Variants in ZNF384 observed in about 807,000 individuals in gnomAD.
The protein encoded by ZNF384 is CAG repeat protein 1.
Under a neutral mutation model 65.0 loss-of-function variants are expected in ZNF384, and 20 were observed. That is an observed-to-expected ratio of 0.31 (90% CI 0.22 to 0.45). ZNF384 has a LOEUF of 0.45. ZNF384 is among the 20% of genes least tolerant of loss of function. The pLI is 1.00. For synonymous variants in ZNF384, 310 were observed against 303.9 expected, an observed-to-expected ratio of 1.02 and a Z score of -0.21; for missense variants, 549 against 769.4, an observed-to-expected ratio of 0.71 and a Z score of 3.39.
chr12:6,667,826 G>A lies in ZNF384; in HGVS notation c.1715C>T (p.Pro572Leu). 1.2e-6 allele frequency: 2 copies of A among 1,614,216 alleles called. No homozygotes were observed. Among genetic ancestry groups the A allele is most frequent in the Non-Finnish European group, 1.7e-6 (2 of 1,180,034 alleles). ...GGTCAGGTCAAAGGAACACTGGGGT[G>A]GAGGGTTGGGATTGCTGTCCCCACC... ...GGGGDSNPNPPPQCSFDLTPY... is the reference protein window; with the variant it reads ...GGGGDSNPNPLPQCSFDLTPY... The change falls in exon 12 of 12, where the codon CCA becomes CTA. Residue 572 changes from proline to leucine, a missense_variant. By Grantham distance (98) the Pro-to-Leu change is moderately conservative. Coordinates refer to ENST00000683879, the MANE Select transcript of ZNF384 (RefSeq NM_001385745.1).
chr12:6,683,678 A>G (rs983847368), intron 2 of ZNF384, among the ~76,000 whole-genome samples: 2 of 151,632 alleles, frequency 1.3e-5, no homozygotes, highest in Non-Finnish European at 2.9e-5. Flanking sequence ...AAAAAAAAAA[A>G]AAAAGAATCA....
chr12:6,682,674 G>C (rs1332357721), intron 2 of ZNF384, among the ~76,000 whole-genome samples: 1 of 152,060 alleles, frequency 6.6e-6, no homozygotes, highest in Non-Finnish European at 1.5e-5. Flanking sequence ...AGCAAAGATG[G>C]GAGTCTCACG....
intron 1 of ZNF384, chr12:6,688,594 G>A (rs1409819320): frequency 6.6e-6 from 1 of 152,438 alleles, no homozygotes; most frequent in Non-Finnish European, 1.5e-5. Context: ...AGGCAAAGCT[G>A]AGGGCTGGGG....
chr12:6,678,983 C>T lies in ZNF384; in HGVS notation c.267G>A (p.Thr89=), dbSNP rs776234193. 20 of 1,613,944 alleles carry T rather than the reference C, an allele frequency of 1.2e-5. No individual in the cohort carries two copies. Among genetic ancestry groups the T allele is most frequent in the East Asian group, 4.5e-5 (2 of 44,886 alleles). The part of the protein sequence containing the change: ...HSQASVTQNI[T]VVPVPSTGLM... ...GTCCTGTAGACGGCACAGGGACCAC[C>T]GTGATATTCTGGGTAACGGACGCTT... The change falls in exon 4 of 12, where the codon ACG becomes ACA. Residue 89 remains threonine (T), a synonymous_variant. Transcript: ENST00000683879. This position sits in a 1 kb window ranked among gnomAD's most constrained non-coding sequence, Gnocchi z 4.9.
chr12:6,686,480 C>T (rs1283541014), intron 2 of ZNF384, among the ~76,000 whole-genome samples: 1 of 152,344 alleles, frequency 6.6e-6, no homozygotes, highest in Middle Eastern at 3.4e-3. Context: ...TCTTGAACTT[C>T]TGACCTCAGG....
At chr12:6,682,103 G>A (rs1956171215) in intron 2 of ZNF384, among the ~76,000 whole-genome samples, 1 of 133,396 alleles carries the variant, frequency 7.5e-6, no homozygotes, top group African/African-American at 2.9e-5. Context: ...ACCAGGCTAA[G>A]CAATATATTT....
rs777381897 is a variant in ZNF384 at position 6,670,854 on chromosome 12, G to T, written c.1188-16C>A. ...AGTGTGGATTCTGCACAGGATAAGA[G>T]AAAAAAGGGAAAGAATGTCAGCAAG... On this transcript the variant is annotated splice_polypyrimidine_tract_variant and intron_variant, in intron 9 of 11. Transcript: ENST00000683879. 3 of 1,609,572 alleles carry T rather than the reference G, an allele frequency of 1.9e-6. No homozygotes were observed. The highest frequency in any genetic ancestry group is 1.7e-6 in the Non-Finnish European group (2 of 1,176,536).
intron 2 of ZNF384, among the ~76,000 whole-genome samples, chr12:6,686,443 G>A (rs570629177): frequency 3.3e-5 from 5 of 152,262 alleles, no homozygotes; most frequent in Admixed American, 6.5e-5. Context: ...TAGTAGAGAC[G>A]GGATTTTGCT....
chr12:6,686,834 C>T (rs1318481103), intron 2 of ZNF384, among the ~76,000 whole-genome samples: 1 of 152,170 alleles, frequency 6.6e-6, no homozygotes, highest in African/African-American at 2.4e-5. Flanking sequence ...ATAAGGACTA[C>T]ATAATTACAA....
intron 2 of ZNF384, among the ~76,000 whole-genome samples, chr12:6,685,346 T>G (rs76233696): frequency 0.014 from 1,129 of 81,346 alleles, 15 homozygotes; most frequent in Middle Eastern, 0.05. Flanking sequence ...GAAAAAGAAA[T>G]AGAAAGGAAA....
intron 10 of ZNF384, among the ~76,000 whole-genome samples, chr12:6,669,792 G>A (rs1422892098): frequency 6.6e-6 from 1 of 152,112 alleles, no homozygotes; most frequent in Non-Finnish European, 1.5e-5. Flanking sequence ...GTGAGCCACC[G>A]CGCCCAGCCA....
intron 6 of ZNF384, 87 bp from the exon 7 acceptor site, chr12:6,677,346 C>A: frequency 8.3e-7 from 1 of 1,207,168 alleles, no homozygotes; most frequent in Non-Finnish European, 1.1e-6. Context: ...CTGCCCCTGT[C>A]TATATCAAAG....
chr12:6,676,176 T>C (rs1592383826), intron 7 of ZNF384, among the ~76,000 whole-genome samples: 1 of 152,270 alleles, frequency 6.6e-6, no homozygotes, highest in Admixed American at 6.5e-5. Context: ...GTGGCGCACC[T>C]ATAGTCCCAG....
rs1230146253 is a variant in ZNF384 at position 6,678,151 on chromosome 12, T to C, written c.662A>G (p.His221Arg). ...YVLSPEDDDD[H>R]QKDGKTYRSE... is the part of the protein sequence containing the mutation. The stretch of plus-strand genomic sequence containing the variant: ...CCTGTAGGTCTTGCCGTCTTTCTGA[T>C]GGTCATCATCATCCTCAGGGGAGAG... The change falls in exon 6 of 12, where the codon CAT becomes CGT. Residue 221 changes from histidine to arginine, a missense_variant. By Grantham distance (29) the His-to-Arg change is conservative (BLOSUM62 0). Coordinates refer to ENST00000683879, the MANE Select transcript of ZNF384 (RefSeq NM_001385745.1). This position sits in a 1 kb window ranked among gnomAD's most constrained non-coding sequence, Gnocchi z 4.9. 6.2e-7 allele frequency: 1 copy of C among 1,612,716 alleles called. No individual in the cohort carries two copies. Among genetic ancestry groups the C allele is most frequent in the Non-Finnish European group, 8.5e-7 (1 of 1,178,954 alleles).
At chr12:6,686,655 G>A (rs938103345) in intron 2 of ZNF384, among the ~76,000 whole-genome samples, 1 of 152,212 alleles carries the variant, frequency 6.6e-6, no homozygotes, top group Non-Finnish European at 1.5e-5. Context: ...CAGGATGGAG[G>A]ATGGAAGAGG....
Position 6,672,339 on chromosome 12 carries a change from C to T in ZNF384, c.1187+11G>A, listed in dbSNP as rs532160042. ...GCGGGGCGGGGTCAGTAGCCCGCCA[C>T]TCTCCCTTACCGTGTGTGCTGCTGG... is the stretch of plus-strand genomic sequence containing the variant. On this transcript the variant is annotated intron_variant, in intron 9 of 11. Transcript: ENST00000683879. The surrounding 1 kb of genome is among the most constrained non-coding windows in gnomAD (Gnocchi z 4.4). 6.2e-6 allele frequency: 10 copies of T among 1,611,474 alleles called. No individual in the cohort carries two copies. The South Asian group carries it at 1.1e-4, about 18-fold the overall frequency.
chr12:6,673,465 A>AGAACCCTTCCCATCAAGAAGGTGTGGCT lies in ZNF384; in HGVS notation c.780-53_780-26dup, dbSNP rs1952300962. ...CCTGAGCCAAGTGAGGGCAATGGTT[A>AGAACCCTTCCCATCAAGAAGGTGTGGCT]GAACCCTTCCCATCAAGAAGGTGTG... On this transcript the variant is annotated intron_variant, in intron 7 of 11. Transcript: ENST00000683879. This position sits in a 1 kb window ranked among gnomAD's most constrained non-coding sequence, Gnocchi z 4.7. 2.5e-6 allele frequency: 4 copies of AGAACCCTTCCCATCAAGAAGGTGTGGCT among 1,607,242 alleles called. No homozygotes were observed. The highest frequency in any genetic ancestry group is 1.7e-5 in the Admixed American group (1 of 59,564).
intron 2 of ZNF384, 128 bp from the exon 3 acceptor site, chr12:6,679,653 C>G (rs1050868531): frequency 1.5e-5 from 10 of 684,962 alleles, no homozygotes; most frequent in African/African-American, 1.3e-4. Context: ...GACTGGCAGT[C>G]AAGACTTAGT....
At chr12:6,674,830 T>C (rs1343293426) in intron 7 of ZNF384, among the ~76,000 whole-genome samples, 1 of 152,186 alleles carries the variant, frequency 6.6e-6, no homozygotes, top group Non-Finnish European at 1.5e-5. Flanking sequence ...CCAAGTATTC[T>C]CCAGTAATAA....
Sources: gnomAD v4.1 joint callset for allele counts (sites outside exome capture counted in the v4.1 genomes callset) on GRCh38, gnomAD v4.1.1 for gene constraint, Gnocchi (gnomAD v3.1) non-coding constraint, MANE v1.5 for transcripts, NCBI Gene and HGNC (gene_info 2026-07-23, HGNC 2026-07-21) for gene names.